The following JAKMIP3 variants were observed in gnomAD, a reference collection of about 807,000 sequenced individuals.
JAKMIP3 encodes janus kinase and microtubule-interacting protein 3.
A neutral mutation model predicts 118.5 loss-of-function variants in JAKMIP3; 58 were observed. The observed-to-expected ratio is 0.49, with a 90% CI of 0.40 to 0.61. The LOEUF (loss-of-function observed/expected upper bound fraction) is 0.61, where lower values mean the gene tolerates loss of function less well. JAKMIP3 is among the 20% of genes least tolerant of loss of function. JAKMIP3 has a pLI of 0.00. For missense variants in JAKMIP3, 950 were observed against 1,109.0 expected (o/e 0.86, Z 2.04); for synonymous variants, 486 against 451.2 (o/e 1.08, Z -0.98).
chr10:132,081,903 G>T (rs552101837), intron 1 of JAKMIP3, among the ~76,000 whole-genome samples: 1 of 151,700 alleles, frequency 6.6e-6, no homozygotes, highest in Non-Finnish European at 1.5e-5. Flanking sequence ...CTTCTTAACC[G>T]GCCACTGTCT....
chr10:132,065,310 T>C (rs1252099462), upstream of JAKMIP3, among the ~76,000 whole-genome samples: 1 of 152,080 alleles, frequency 6.6e-6, no homozygotes, highest in Non-Finnish European at 1.5e-5. This position sits in a 1 kb window ranked among gnomAD's most constrained non-coding sequence, Gnocchi z 5.6. Flanking sequence ...GTGCTTGCCC[T>C]TCACACAGGA....
chr10:132,110,551 C>A (rs1329949393), intron 2 of JAKMIP3, among the ~76,000 whole-genome samples: 1 of 152,252 alleles, frequency 6.6e-6, no homozygotes, highest in Non-Finnish European at 1.5e-5. Context: ...TATCAAAAAT[C>A]ATCAGAATTC....
chr10:132,115,202 C>T (rs527400270), intron 2 of JAKMIP3, among the ~76,000 whole-genome samples: 32 of 99,000 alleles, frequency 3.2e-4, no homozygotes, highest in African/African-American at 1.2e-3. Flanking sequence ...TCACCGCGAT[C>T]GCGGCTAGGG....
chr10:132,073,634 C>T (rs2040331971), intron 1 of JAKMIP3, among the ~76,000 whole-genome samples: 3 of 151,814 alleles, frequency 2.0e-5, no homozygotes, highest in Non-Finnish European at 1.5e-5. Context: ...GTAGCTTGGA[C>T]TATAGGTGTA....
intron 6 of JAKMIP3, 79 bp downstream of exon 6, chr10:132,136,155 T>C (rs558583323): frequency 1.3e-4 from 198 of 1,492,992 alleles, no homozygotes; most frequent in Middle Eastern, 1.1e-3. Flanking sequence ...CCACGCAAGA[T>C]TTAGCATGAC....
chr10:132,097,003 A>T (rs910212691), intron 1 of JAKMIP3, among the ~76,000 whole-genome samples: 1 of 152,248 alleles, frequency 6.6e-6, no homozygotes, highest in Non-Finnish European at 1.5e-5. Flanking sequence ...ATGGATGTGC[A>T]GATGGCCAAG....
chr10:132,137,106 C>G lies in JAKMIP3; in HGVS notation c.1204C>G (p.Leu402Val), dbSNP rs1389339967. ...QDEREVDFLKLQIVEQQNLID... is the reference protein window; with the variant it reads ...QDEREVDFLKVQIVEQQNLID... ...TGAGAGAGAAGTCGATTTCTTGAAG[C>G]TTCAGATTGTGGAGCAGCAAAACCT... Residue 402 changes from leucine to valine, a missense_variant, in exon 7 of 24, where the codon CTT becomes GTT. Physicochemically the swap from Leu to Val is conservative, Grantham distance 32 (BLOSUM62 1). Coordinates refer to ENST00000684848, the MANE Select transcript of JAKMIP3 (RefSeq NM_001323087.2). The G allele has an allele frequency of 6.2e-7, 1 of 1,613,962 alleles. No individual in the cohort carries two copies.
chr10:132,063,229 A>AC (rs1169583839), upstream of JAKMIP3, among the ~76,000 whole-genome samples: 1 of 152,196 alleles, frequency 6.6e-6, no homozygotes, highest in Non-Finnish European at 1.5e-5. Context: ...TGAGGCAGCC[A>AC]CGTGAGACAT....
intron 10 of JAKMIP3, among the ~76,000 whole-genome samples, chr10:132,141,400 CT>C (rs2053486637): frequency 6.6e-6 from 1 of 152,176 alleles, no homozygotes; most frequent in African/African-American, 2.4e-5. Flanking sequence ...TGTCTTCTCC[CT>C]GGGGTGACGG....
At chr10:132,038,678 G>C (rs2037599319) in intron 1 of JAKMIP3, among the ~76,000 whole-genome samples, 1 of 151,538 alleles carries the variant, frequency 6.6e-6, no homozygotes, top group Non-Finnish European at 1.5e-5. Flanking sequence ...TGTAATCCCA[G>C]CTCCTCGGGA....
In JAKMIP3 at chr10:132,158,940, G is replaced by GTGGGAGGGGCATCTTCCTTTGTGATGCT. The variant is rs1564979690; in HGVS notation, c.2221-4269_2221-4268insTGGGAGGGGCATCTTCCTTTGTGATGCT. ...GAGGGGCATCTTCCTTTGTGATGCTGGGGGGGGGGACCTCTCGCTGTGTGA... is the reference window on the plus strand; with the variant it reads ...GAGGGGCATCTTCCTTTGTGATGCTGTGGGAGGGGCATCTTCCTTTGTGATGCTGGGGGGGGGACCTCTCGCTGTGTGA... On this transcript the variant is annotated intron_variant, in intron 19 of 23. Coordinates refer to ENST00000684848, the MANE Select transcript of JAKMIP3 (RefSeq NM_001323087.2). Among the ~76,000 whole-genome samples, 560 of 85,440 alleles carry GTGGGAGGGGCATCTTCCTTTGTGATGCT rather than the reference G, an allele frequency of 6.6e-3. 132 individuals are homozygous for GTGGGAGGGGCATCTTCCTTTGTGATGCT. The highest frequency in any genetic ancestry group is 0.025 in the African/African-American group (298 of 11,902). The allele number at this position is 85,440 out of a possible 152,430, so 56.1% of individuals were successfully genotyped here.
rs1491283878 is a variant in JAKMIP3, at chr10:132,180,753, G to GCA, written c.*1104-1604_*1104-1603insCA. Among the ~76,000 whole-genome samples, 12 of 24,024 alleles carry GCA rather than the reference G, an allele frequency of 5.0e-4. 2 individuals are homozygous for GCA. Among genetic ancestry groups the GCA allele is most frequent in the Middle Eastern group, 0.015 (1 of 66 alleles). The allele number at this position is 24,024 out of a possible 152,430, so 15.8% of individuals were successfully genotyped here. On this transcript the variant is annotated intron_variant, in intron 23 of 23. Transcript: ENST00000684848. ...TGCGTGTGTGCGTGCGTGCGCGCGC[G>GCA]TGTGTGCGTGTGTGTGCGTGTGTGT...
intron 19 of JAKMIP3, among the ~76,000 whole-genome samples, chr10:132,156,019 A>G (rs75184693): frequency 0.16 from 23,932 of 152,120 alleles, 2,017 homozygotes; most frequent in South Asian, 0.27. Flanking sequence ...TGCTTTGGTC[A>G]GAAGGAAGGA....
At chr10:132,110,455 C>T (rs543241703) in intron 2 of JAKMIP3, among the ~76,000 whole-genome samples, 6 of 152,366 alleles carry the variant, frequency 3.9e-5, no homozygotes, top group African/African-American at 1.4e-4. Flanking sequence ...TGGTTAAATC[C>T]GTTTACATTG....
intron 1 of JAKMIP3, among the ~76,000 whole-genome samples, chr10:132,081,052 AT>A (rs1481878572): frequency 6.6e-6 from 1 of 151,890 alleles, no homozygotes; most frequent in Non-Finnish European, 1.5e-5. Context: ...TTTTGCCTTA[AT>A]TTTTTTTCTA....
upstream of JAKMIP3, among the ~76,000 whole-genome samples, chr10:132,063,239 T>C (rs1408451475): frequency 6.6e-6 from 1 of 152,046 alleles, no homozygotes; most frequent in Non-Finnish European, 1.5e-5. Flanking sequence ...ACGTGAGACA[T>C]AGAGACCCAC....
intron 3 of JAKMIP3, among the ~76,000 whole-genome samples, chr10:132,121,860 T>G (rs1005666660): frequency 2.6e-5 from 4 of 152,128 alleles, no homozygotes; most frequent in Non-Finnish European, 5.9e-5. Flanking sequence ...AGGTCCACCC[T>G]GAGGACAGTC....
intron 1 of JAKMIP3, among the ~76,000 whole-genome samples, chr10:132,071,160 A>AGTGTGTGTGTGT (rs3068079): frequency 1.2e-3 from 183 of 149,150 alleles, no homozygotes; most frequent in East Asian, 5.1e-3. Flanking sequence ...GTCATTTAAA[A>AGTGTGTGTGTGT]GTGTGTGTGT....
At chr10:132,159,781 T>C (rs11146220) in intron 19 of JAKMIP3, among the ~76,000 whole-genome samples, 13 of 36,220 alleles carry the variant, frequency 3.6e-4, no homozygotes, top group Admixed American at 1.4e-3. Flanking sequence ...GGGGGTCTCT[T>C]CCTGTGTGAT....
Sources: allele counts gnomAD v4.1 joint callset (sites outside exome capture counted in the v4.1 genomes callset), GRCh38; gene constraint gnomAD v4.1.1; non-coding constraint Gnocchi (gnomAD v3.1); transcripts MANE v1.5; gene names NCBI Gene and HGNC (gene_info 2026-07-23, HGNC 2026-07-21).